The following CCNY variants were observed in gnomAD, a reference collection of about 807,000 sequenced individuals.
CCNY encodes cyclin Y.
CCNY carries 19 observed loss-of-function variants against 42.8 expected under a neutral mutation model. The ratio of observed to expected loss-of-function variants is 0.44; its 90% CI spans 0.31 to 0.65. The LOEUF (loss-of-function observed/expected upper bound fraction) is 0.65, where lower values mean the gene tolerates loss of function less well. Among genes scored for constraint, CCNY ranks in the 30% least tolerant of loss-of-function variants. The pLI is 0.07. For synonymous variants in CCNY, 165 were observed against 162.7 expected (o/e 1.01, Z -0.11); for missense variants, 370 against 437.3 (o/e 0.85, Z 1.37).
intron 3 of CCNY, among the ~76,000 whole-genome samples, chr10:35,318,766 A>G (rs1835789450): frequency 1.3e-5 from 2 of 152,250 alleles, no homozygotes; most frequent in Non-Finnish European, 2.9e-5. Flanking sequence ...GTAAAAAAAA[A>G]ATAGTAAAAG....
Position 35,336,934 on chromosome 10 carries a change from TGGCGGCGAGCGGGCG to T in CCNY, c.-116_-102del. On this transcript the variant is annotated 5_prime_UTR_variant, in exon 1 of 10. Transcript: ENST00000374704. ...CCGGCCGCCGTTCCGCCCCCTCCCGTGGCGGCGAGCGGGCGGGCCTCCCCACACGCCCCCGCCGCC... is the reference window on the plus strand; with the variant it reads ...CCGGCCGCCGTTCCGCCCCCTCCCGTGGCCTCCCCACACGCCCCCGCCGCC... 1 of 650,072 alleles carries T rather than the reference TGGCGGCGAGCGGGCG, an allele frequency of 1.5e-6. No individual in the cohort carries two copies. The highest frequency in any genetic ancestry group is 2.0e-6 in the Non-Finnish European group (1 of 503,594). 40.3% of individuals were successfully genotyped at this position (650,072 alleles called of 1,614,324 possible).
intron 1 of CCNY, among the ~76,000 whole-genome samples, chr10:35,429,758 C>T (rs918145070): frequency 2.0e-5 from 3 of 151,986 alleles, no homozygotes; most frequent in African/African-American, 7.3e-5. Flanking sequence ...GGTATGTGGC[C>T]ATGTATTATA....
intron 3 of CCNY, among the ~76,000 whole-genome samples, chr10:35,299,317 A>G (rs1317969945): frequency 1.3e-5 from 2 of 152,248 alleles, no homozygotes; most frequent in Non-Finnish European, 2.9e-5. Context: ...TTCTGTATTC[A>G]TACCAGTTTT....
chr10:35,497,774 G>A (rs10827508), intron 2 of CCNY, among the ~76,000 whole-genome samples: 40,349 of 150,672 alleles, frequency 0.27, 5,802 homozygotes, highest in East Asian at 0.35. Flanking sequence ...TTCCCCCTAT[G>A]GTAATGTCTT....
intron 1 of CCNY, among the ~76,000 whole-genome samples, chr10:35,401,059 C>T (rs1233389994): frequency 2.0e-5 from 3 of 152,242 alleles, no homozygotes; most frequent in African/African-American, 7.2e-5. Flanking sequence ...AGGGTGGAGG[C>T]CCAGCAACTG....
At chr10:35,330,736 G>A (rs1336237377) in intron 3 of CCNY, among the ~76,000 whole-genome samples, 3 of 151,634 alleles carry the variant, frequency 2.0e-5, no homozygotes, top group Non-Finnish European at 4.4e-5. Context: ...ACTCCAAGAA[G>A]CAGAGAAGAG....
chr10:35,405,595 G>A (rs1188488566), intron 1 of CCNY, among the ~76,000 whole-genome samples: 2 of 152,114 alleles, frequency 1.3e-5, no homozygotes, highest in African/African-American at 4.8e-5. Flanking sequence ...AAGCCTGGCC[G>A]TCAATACCCA....
chr10:35,259,579 T>G (rs1368840697), intron 3 of CCNY, among the ~76,000 whole-genome samples: 2 of 139,006 alleles, frequency 1.4e-5, no homozygotes, highest in Non-Finnish European at 3.1e-5. Flanking sequence ...CTTGGCTCAC[T>G]GCAACCTCCA....
intron 1 of CCNY, among the ~76,000 whole-genome samples, chr10:35,411,025 G>A (rs754485617): frequency 2.0e-5 from 3 of 152,120 alleles, no homozygotes; most frequent in Non-Finnish European, 2.9e-5. Context: ...GTACAACTTC[G>A]TTGTCATTAT....
chr10:35,295,656 T>C (rs924394564), intron 3 of CCNY, among the ~76,000 whole-genome samples: 3 of 152,186 alleles, frequency 2.0e-5, no homozygotes, highest in African/African-American at 7.2e-5. Context: ...ACTTGTCATT[T>C]TGTGTCTGGC....
intron 1 of CCNY, among the ~76,000 whole-genome samples, chr10:35,401,393 A>G (rs189384891): frequency 1.3e-5 from 2 of 152,366 alleles, no homozygotes; most frequent in African/African-American, 4.8e-5. Context: ...CAGGAGGATC[A>G]CAAAACACTT....
At chr10:35,425,237 C>G (rs1426602615) in intron 1 of CCNY, among the ~76,000 whole-genome samples, 3 of 152,236 alleles carry the variant, frequency 2.0e-5, no homozygotes, top group Non-Finnish European at 2.9e-5. Context: ...GTTCATTTGA[C>G]TTACTCTTTG....
intron 1 of CCNY, among the ~76,000 whole-genome samples, chr10:35,422,013 G>C (rs1838168885): frequency 6.6e-6 from 1 of 152,144 alleles, no homozygotes; most frequent in Non-Finnish European, 1.5e-5. Flanking sequence ...GCCAAGTGGA[G>C]GAGTCAGGGT....
At chr10:35,475,562 A>C (rs1012256114) in intron 1 of CCNY, among the ~76,000 whole-genome samples, 6 of 151,026 alleles carry the variant, frequency 4.0e-5, no homozygotes, top group Non-Finnish European at 5.9e-5. Context: ...AAGGAGAAAT[A>C]AAATCCTTTA....
intron 1 of CCNY, among the ~76,000 whole-genome samples, chr10:35,356,423 T>C (rs564334038): frequency 1.6e-4 from 24 of 152,352 alleles, no homozygotes; most frequent in Middle Eastern, 3.4e-3. Flanking sequence ...TAACACATGG[T>C]AAACAGCTCT....
intron 3 of CCNY, among the ~76,000 whole-genome samples, chr10:35,264,404 A>G (rs1043198801): frequency 6.6e-6 from 1 of 152,122 alleles, no homozygotes; most frequent in African/African-American, 2.4e-5. Context: ...GTCTTCCACA[A>G]TGGTTGAACT....
At chr10:35,251,945 A>G (rs1024933751) in intron 3 of CCNY, among the ~76,000 whole-genome samples, 1 of 152,140 alleles carries the variant, frequency 6.6e-6, no homozygotes, top group Admixed American at 6.6e-5. Context: ...ACAGCCCTCT[A>G]GAGGAGGTGC....
chr10:35,341,251 G>A (rs535278827), intron 1 of CCNY, among the ~76,000 whole-genome samples: 5 of 152,080 alleles, frequency 3.3e-5, no homozygotes, highest in Middle Eastern at 3.4e-3. Context: ...CTTCCACCCC[G>A]TTCTCTCCCT....
intron 3 of CCNY, among the ~76,000 whole-genome samples, chr10:35,289,182 T>C (rs575354412): frequency 2.0e-5 from 3 of 152,230 alleles, no homozygotes; most frequent in African/African-American, 7.2e-5. Flanking sequence ...ATATTAATAT[T>C]TACTTTCTAA....
Sources: gnomAD v4.1 joint callset for allele counts (sites outside exome capture counted in the v4.1 genomes callset) on GRCh38, gnomAD v4.1.1 for gene constraint, MANE v1.5 for transcripts, NCBI Gene and HGNC (gene_info 2026-07-23, HGNC 2026-07-21) for gene names.